Variants in RPS6KC1 observed in about 807,000 individuals in gnomAD.
RPS6KC1 encodes the protein ribosomal protein S6 kinase C1, also known as inactive ribosomal protein S6 kinase delta-1.
In RPS6KC1, 54 loss-of-function variants were observed where a neutral mutation model predicts 103.8. The observed-to-expected ratio is 0.52, with a 90% CI of 0.42 to 0.65. RPS6KC1 has a LOEUF of 0.65. Among genes scored for constraint, RPS6KC1 ranks in the 30% least tolerant of loss-of-function variants. RPS6KC1 has a pLI of 0.00. For missense variants in RPS6KC1, 1,151 were observed against 1,253.8 expected (o/e 0.92, Z 1.24); for synonymous variants, 439 against 438.7 (o/e 1.00, Z -0.01).
the RPS6KC1 span, among the ~76,000 whole-genome samples, chr1:213,365,524 A>C: frequency 6.6e-6 from 1 of 152,374 alleles, no homozygotes; most frequent in Non-Finnish European, 1.5e-5. Flanking sequence ...TTAAATAGTC[A>C]TAATAGCTGT....
the RPS6KC1 span, among the ~76,000 whole-genome samples, chr1:213,358,627 A>G: frequency 6.6e-6 from 1 of 151,990 alleles, no homozygotes; most frequent in South Asian, 2.1e-4. Context: ...TTGTGTCTCT[A>G]TCTCCTTCAG....
At chr1:213,491,454 G>T in the RPS6KC1 span, among the ~76,000 whole-genome samples, 1 of 152,220 alleles carries the variant, frequency 6.6e-6, no homozygotes, top group Non-Finnish European at 1.5e-5. Flanking sequence ...AGGGTGAGGT[G>T]GGAGGATCAC....
chr1:213,530,032 TTTA>T, the RPS6KC1 span, among the ~76,000 whole-genome samples: 16,014 of 148,888 alleles, frequency 0.11, 920 homozygotes, highest in African/African-American at 0.13. Context: ...CTTCACTTCT[TTTA>T]TTATTATTAT....
chr1:213,431,369 T>C, the RPS6KC1 span, among the ~76,000 whole-genome samples: 1 of 152,174 alleles, frequency 6.6e-6, no homozygotes. Context: ...GATTTTTTTT[T>C]CCAAAGTGAA....
At chr1:213,715,156 G>A in the RPS6KC1 span, among the ~76,000 whole-genome samples, 13 of 152,288 alleles carry the variant, frequency 8.5e-5, no homozygotes, top group East Asian at 2.3e-3. Flanking sequence ...TGAGAGGCAT[G>A]GACAATTGTA....
At chr1:213,742,085 C>T in the RPS6KC1 span, among the ~76,000 whole-genome samples, 1 of 152,158 alleles carries the variant, frequency 6.6e-6, no homozygotes, top group Non-Finnish European at 1.5e-5. Context: ...TGGAGGAGAT[C>T]AAAGGACTGT....
At chr1:213,578,089 G>T in the RPS6KC1 span, among the ~76,000 whole-genome samples, 1 of 152,220 alleles carries the variant, frequency 6.6e-6, no homozygotes, top group African/African-American at 2.4e-5. Flanking sequence ...AGGACATGGT[G>T]CCCTGTGTCC....
At chr1:213,501,677 G>T in the RPS6KC1 span, among the ~76,000 whole-genome samples, 2 of 150,700 alleles carry the variant, frequency 1.3e-5, no homozygotes, top group Non-Finnish European at 2.9e-5. Context: ...AGGGGCTGCA[G>T]TGAGCGAAGA....
intron 6 of RPS6KC1, among the ~76,000 whole-genome samples, chr1:213,151,245 G>T (rs376433269): frequency 2.1e-5 from 2 of 96,286 alleles, no homozygotes; most frequent in South Asian, 8.2e-4. Flanking sequence ...CCTCCCGGAC[G>T]GGGCGGCTGG....
chr1:213,256,170 G>A (rs572181638), intron 12 of RPS6KC1, among the ~76,000 whole-genome samples: 2 of 152,306 alleles, frequency 1.3e-5, no homozygotes, highest in African/African-American at 2.4e-5. Context: ...GGGACCAGCA[G>A]TGTCTTTAGG....
the RPS6KC1 span, among the ~76,000 whole-genome samples, chr1:213,355,182 A>G: frequency 6.6e-6 from 1 of 152,024 alleles, no homozygotes; most frequent in Admixed American, 6.5e-5. Context: ...GCGCCACTGC[A>G]CTCATGCCTG....
the RPS6KC1 span, among the ~76,000 whole-genome samples, chr1:213,280,203 AAG>A: frequency 6.6e-6 from 1 of 152,152 alleles, no homozygotes; most frequent in African/African-American, 2.4e-5. Context: ...CAGTTGGATA[AAG>A]AGAAAATCGG....
the RPS6KC1 span, among the ~76,000 whole-genome samples, chr1:213,767,994 C>T: frequency 6.6e-6 from 1 of 152,156 alleles, no homozygotes; most frequent in Non-Finnish European, 1.5e-5. Context: ...AAAGGGGTGT[C>T]CCTATTTGGT....
chr1:213,127,946 C>A (rs2085169005), intron 5 of RPS6KC1, among the ~76,000 whole-genome samples: 1 of 152,094 alleles, frequency 6.6e-6, no homozygotes, highest in Admixed American at 6.5e-5. Flanking sequence ...CAAGACAGAC[C>A]AATGGATTTG....
At chr1:213,505,558 A>C in the RPS6KC1 span, among the ~76,000 whole-genome samples, 3 of 152,206 alleles carry the variant, frequency 2.0e-5, no homozygotes, top group Admixed American at 6.5e-5. Flanking sequence ...AACACATATA[A>C]CAGATTGAGC....
chr1:213,276,707 A>T (rs562406844), downstream of RPS6KC1, among the ~76,000 whole-genome samples: 1 of 152,350 alleles, frequency 6.6e-6, no homozygotes, highest in Non-Finnish European at 1.5e-5. Flanking sequence ...GCTGCCGTAC[A>T]TCTGCTCAGT....
At chr1:213,804,809 T>A in the RPS6KC1 span, among the ~76,000 whole-genome samples, 4 of 152,114 alleles carry the variant, frequency 2.6e-5, no homozygotes, top group East Asian at 7.7e-4. Context: ...AACACATGGG[T>A]TTCTATCCTC....
chr1:213,533,555 A>G, the RPS6KC1 span, among the ~76,000 whole-genome samples: 1 of 152,166 alleles, frequency 6.6e-6, no homozygotes, highest in African/African-American at 2.4e-5. Flanking sequence ...GGTAAATGAG[A>G]ACACACAGAA....
At chr1:213,194,934 A>G (rs1032174042) in intron 8 of RPS6KC1, among the ~76,000 whole-genome samples, 13 of 152,202 alleles carry the variant, frequency 8.5e-5, no homozygotes, top group Admixed American at 7.2e-4. Flanking sequence ...GCTGGTTTAT[A>G]TAACATTCTT....
Sources: allele counts gnomAD v4.1 joint callset (sites outside exome capture counted in the v4.1 genomes callset), GRCh38; gene constraint gnomAD v4.1.1; transcripts MANE v1.5; gene names NCBI Gene and HGNC (gene_info 2026-07-23, HGNC 2026-07-21).